Variants in HHIPL1 observed in about 807,000 individuals in gnomAD.
HHIPL1 encodes HHIP like 1.
In HHIPL1, 43 loss-of-function variants were observed where a neutral mutation model predicts 61.8. The observed-to-expected ratio is 0.70, with a 90% CI of 0.55 to 0.90. HHIPL1 has a LOEUF of 0.90. Ranked by LOEUF, HHIPL1 falls within the 40% of genes least tolerant of loss-of-function variation. The probability of loss-of-function intolerance (pLI) is 0.00; values close to 1 mark genes in which losing one functional copy is unlikely to be tolerated. For synonymous variants in HHIPL1, 482 were observed against 515.8 expected (o/e 0.93, Z 0.89); for missense variants, 1,056 against 1,157.7 (o/e 0.91, Z 1.28).
chr14:99,669,335 G>C, intron 7 of HHIPL1: 1 of 1,013,710 alleles, frequency 9.9e-7, no homozygotes, highest in East Asian at 9.0e-5. Flanking sequence ...CAGTCTGAAC[G>C]TCTCTTCAAC....
Position 99,675,404 on chromosome 14 carries a change from C to A in HHIPL1, c.2127C>A (p.Ala709=). ...VCDDSWNISG[A]AVVCRQLGFA... is the part of the protein sequence containing the mutation. Reference sequence around the variant, plus strand: ...ACGACTCCTGGAACATCAGCGGCGCCGCCGTCGTGTGTCGCCAGCTGGGGT... The same window carrying A: ...ACGACTCCTGGAACATCAGCGGCGCAGCCGTCGTGTGTCGCCAGCTGGGGT... The change falls in exon 9 of 9, where the codon GCC becomes GCA. Residue 709 remains alanine, a synonymous_variant. Transcript: ENST00000330710. The surrounding 1 kb of genome is among the most constrained non-coding windows in gnomAD (Gnocchi z 5.4). 1.3e-6 allele frequency: 2 copies of A among 1,528,660 alleles called. No individual in the cohort carries two copies. The highest frequency in any genetic ancestry group is 1.8e-6 in the Non-Finnish European group (2 of 1,141,284). 94.7% of individuals were successfully genotyped at this position (1,528,660 alleles called of 1,614,324 possible).
At chr14:99,670,102 T>A (rs1879271271) in intron 7 of HHIPL1, among the ~76,000 whole-genome samples, 1 of 149,638 alleles carries the variant, frequency 6.7e-6, no homozygotes, top group African/African-American at 2.5e-5. Flanking sequence ...ACTCTACAAC[T>A]CCAGTCTTTT....
chr14:99,661,018 A>T (rs866071469), intron 5 of HHIPL1, among the ~76,000 whole-genome samples: 1 of 152,032 alleles, frequency 6.6e-6, no homozygotes, highest in Admixed American at 6.5e-5. Context: ...ACCCACTGAG[A>T]CCCTGCTGTG....
the HHIPL1 span, among the ~76,000 whole-genome samples, chr14:99,612,767 TG>T: frequency 6.6e-6 from 1 of 152,116 alleles, no homozygotes; most frequent in Admixed American, 6.5e-5. Context: ...TCTCAGTGCC[TG>T]GCCCCCGGGT....
the HHIPL1 span, among the ~76,000 whole-genome samples, chr14:99,624,501 G>C: frequency 6.6e-6 from 1 of 152,154 alleles, no homozygotes; most frequent in Non-Finnish European, 1.5e-5. Flanking sequence ...GGCATTTACA[G>C]CCCCAGCTCC....
the HHIPL1 span, among the ~76,000 whole-genome samples, chr14:99,609,765 C>T: frequency 6.6e-6 from 1 of 152,226 alleles, no homozygotes; most frequent in Non-Finnish European, 1.5e-5. Context: ...CCGCACTGCA[C>T]AGGACGGCTG....
At chr14:99,656,832 AAAGAAAGGAAGG>A (rs1280486239) in intron 2 of HHIPL1, among the ~76,000 whole-genome samples, 156 bp from the exon 3 acceptor site, 12 of 8,592 alleles carry the variant, frequency 1.4e-3, no homozygotes, top group African/African-American at 1.9e-3. Flanking sequence ...AGAAAGAAAG[AAAGAAAGGAAGG>A]AAGGAAGGAA....
rs563347780 is a variant in HHIPL1, at chr14:99,671,009, G to A, written c.1731-1308G>A. Reference sequence around the variant, plus strand: ...TTGTTGTCCCCATGTCATAGAGAGGGACCCCAACGAGACTTAAGGAGTTCT... The same window carrying A: ...TTGTTGTCCCCATGTCATAGAGAGGAACCCCAACGAGACTTAAGGAGTTCT... On this transcript the variant is annotated intron_variant, in intron 7 of 8. Transcript: ENST00000330710. Among the ~76,000 whole-genome samples the A allele has an allele frequency of 4.6e-5, 7 of 152,192 alleles. No individual in the cohort carries two copies. The South Asian group carries it at 1.5e-3, about 32-fold the overall frequency.
the HHIPL1 span, among the ~76,000 whole-genome samples, chr14:99,622,223 A>G: frequency 6.6e-6 from 1 of 152,216 alleles, no homozygotes; most frequent in African/African-American, 2.4e-5. Flanking sequence ...CCTTTGGCAC[A>G]TCTGATAAGC....
chr14:99,641,439 A>T (rs2055750582), upstream of HHIPL1, among the ~76,000 whole-genome samples: 4 of 139,880 alleles, frequency 2.9e-5, no homozygotes, highest in Admixed American at 1.5e-4. Flanking sequence ...TTTTTCACAG[A>T]GTCTCGTTCT....
chr14:99,640,197 C>A (rs1272668905), upstream of HHIPL1, among the ~76,000 whole-genome samples: 1 of 152,144 alleles, frequency 6.6e-6, no homozygotes, highest in Non-Finnish European at 1.5e-5. Context: ...TAAAGCATAT[C>A]AATTATATTT....
chr14:99,618,256 G>T, the HHIPL1 span, among the ~76,000 whole-genome samples: 1 of 152,210 alleles, frequency 6.6e-6, no homozygotes, highest in Non-Finnish European at 1.5e-5. Context: ...GGCATCCTGG[G>T]AATCCCAGAG....
chr14:99,614,512 C>T, the HHIPL1 span, among the ~76,000 whole-genome samples: 1 of 152,184 alleles, frequency 6.6e-6, no homozygotes, highest in Non-Finnish European at 1.5e-5. Context: ...CTTAGAATCA[C>T]CGGAAAGCAT....
Position 99,668,858 on chromosome 14 carries a change from G to A in HHIPL1, c.1730+555G>A, listed in dbSNP as rs1381746407. ...TGTAAGGCCAGAAGCGCCATGCCCG[G>A]CTATGTCCCAGCTCCTTCCGTGTGC... On this transcript the variant is annotated intron_variant, in intron 7 of 8. Transcript: ENST00000330710. The surrounding 1 kb of genome is among the most constrained non-coding windows in gnomAD (Gnocchi z 4.7). The A allele has an allele frequency of 6.2e-7, 1 of 1,614,004 alleles. No individual in the cohort carries two copies. The highest frequency in any genetic ancestry group is 1.7e-5 in the Admixed American group (1 of 60,028).
intron 7 of HHIPL1, among the ~76,000 whole-genome samples, chr14:99,670,669 A>G (rs1207476568): frequency 6.6e-6 from 1 of 151,888 alleles, no homozygotes; most frequent in African/African-American, 2.4e-5. Flanking sequence ...GGTCCCATCC[A>G]TTGTTATCTA....
chr14:99,674,269 C>T (rs1265094413), intron 8 of HHIPL1, among the ~76,000 whole-genome samples: 1 of 151,864 alleles, frequency 6.6e-6, no homozygotes, highest in Non-Finnish European at 1.5e-5. Flanking sequence ...CAGTGCCTGG[C>T]ACTGCACCTG....
At chr14:99,623,415 C>T in the HHIPL1 span, among the ~76,000 whole-genome samples, 13 of 152,064 alleles carry the variant, frequency 8.5e-5, no homozygotes, top group Non-Finnish European at 1.3e-4. Context: ...TGACAATAGA[C>T]ACTTTTTCTT....
In HHIPL1 at chr14:99,660,610, G is replaced by A. The variant is rs1322567101; in HGVS notation, c.1502+204G>A. On this transcript the variant is annotated intron_variant, in intron 5 of 8. Transcript: ENST00000330710. This position sits in a 1 kb window ranked among gnomAD's most constrained non-coding sequence, Gnocchi z 4.9. ...TGGTGAGCCTTTGCTGCAGGCCTCAGTACCTCTATGATAGACACACAACTC... is the reference window on the plus strand; with the variant it reads ...TGGTGAGCCTTTGCTGCAGGCCTCAATACCTCTATGATAGACACACAACTC... 6.6e-6 allele frequency among the ~76,000 whole-genome samples: 1 copy of A among 152,208 alleles called. No homozygotes were observed. The highest frequency in any genetic ancestry group is 1.5e-5 in the Non-Finnish European group (1 of 68,028).
At chr14:99,642,282 T>C (rs559645918), upstream of HHIPL1, among the ~76,000 whole-genome samples, 131 of 152,248 alleles carry the variant, frequency 8.6e-4, no homozygotes, top group African/African-American at 2.8e-3. Flanking sequence ...GCCATTTTTT[T>C]CCCCTTCTTC....
Sources: gnomAD v4.1 joint callset for allele counts (sites outside exome capture counted in the v4.1 genomes callset) on GRCh38, gnomAD v4.1.1 for gene constraint, Gnocchi (gnomAD v3.1) non-coding constraint, MANE v1.5 for transcripts, NCBI Gene and HGNC (gene_info 2026-07-23, HGNC 2026-07-21) for gene names.